Variants in HS6ST2 observed in about 807,000 individuals in gnomAD.
HS6ST2 encodes heparan sulfate 6-O-sulfotransferase 2.
Under a neutral mutation model 33.0 loss-of-function variants are expected in HS6ST2, and 17 were observed. The ratio of observed to expected loss-of-function variants is 0.52; its 90% CI spans 0.35 to 0.77. The LOEUF (loss-of-function observed/expected upper bound fraction) is 0.77. HS6ST2 is among the 30% of genes least tolerant of loss of function. The pLI is 0.01. For missense variants in HS6ST2, 519 were observed against 551.7 expected, an observed-to-expected ratio of 0.94 and a Z score of 0.59; for synonymous variants, 248 against 237.1, an observed-to-expected ratio of 1.05 and a Z score of -0.42.
intron 2 of HS6ST2, among the ~76,000 whole-genome samples, chrX:132,947,567 G>C (rs2066970261): frequency 9.0e-6 from 1 of 111,633 alleles, no homozygotes; most frequent in Non-Finnish European, 1.9e-5. Context: ...TGTTTTGTCT[G>C]ATATCAACAT....
In HS6ST2 at chrX:132,909,368, C is replaced by T. The variant is rs139548082; in HGVS notation, c.947+47440G>A. On this transcript the variant is annotated intron_variant, in intron 2 of 4. Coordinates refer to ENST00000370833, the MANE Select transcript of HS6ST2 (RefSeq NM_001394073.1). ...AGGTTTTTCAACTGTCAGCTCCACA[C>T]GGATTCAATTTACCTCATGGCCCGG... 2.2e-3 allele frequency among the ~76,000 whole-genome samples: 243 copies of T among 111,933 alleles called. No homozygotes were observed. The South Asian group carries it at 0.028, about 13-fold the overall frequency.
intron 2 of HS6ST2, among the ~76,000 whole-genome samples, chrX:132,781,625 A>G (rs2065017253): frequency 1.8e-5 from 2 of 111,347 alleles, no homozygotes; most frequent in Admixed American, 9.5e-5. Context: ...GGTTTAACTG[A>G]CTCACAGTTC....
chrX:132,684,824 G>A (rs2064003583), intron 3 of HS6ST2, among the ~76,000 whole-genome samples: 1 of 111,487 alleles, frequency 9.0e-6, no homozygotes, highest in Admixed American at 9.5e-5. Context: ...GGACTCATGG[G>A]GTGTTGCTCT....
chrX:132,743,163 A>G (rs948798717), intron 2 of HS6ST2, among the ~76,000 whole-genome samples: 5 of 112,786 alleles, frequency 4.4e-5, no homozygotes, highest in African/African-American at 9.7e-5. Context: ...CCAAAACCCA[A>G]GAGATATTTG....
Position 132,956,958 on chromosome X carries a change from G to A in HS6ST2, c.797C>T (p.Thr266Ile). 8.3e-7 allele frequency: 1 copy of A among 1,209,954 alleles called. No individual in the cohort carries two copies. Among genetic ancestry groups the A allele is most frequent in the South Asian group, 1.8e-5 (1 of 56,488 alleles). ...TTCCCGCTTACCCGGCCGGTGGCAA[G>A]TGCATTTCTTCTGACCCACGCGGCA... is the stretch of plus-strand genomic sequence containing the variant. ...CECRVGQKKC[T>I]CHRPGKRETW... The change falls in exon 2 of 5, where the codon ACT (threonine) becomes ATT (isoleucine). Residue 266 changes from threonine (T) to isoleucine (I), a missense_variant. By Grantham distance (89) the Thr-to-Ile change is moderately conservative. Coordinates refer to ENST00000370833, the MANE Select transcript of HS6ST2 (RefSeq NM_001394073.1).
chrX:132,702,093 G>T (rs981409589), intron 3 of HS6ST2, among the ~76,000 whole-genome samples: 17 of 112,093 alleles, frequency 1.5e-4, no homozygotes, highest in Non-Finnish European at 3.2e-4. Context: ...TGATACACTG[G>T]AAAATGTTCC....
intron 2 of HS6ST2, among the ~76,000 whole-genome samples, chrX:132,872,100 T>G (rs1319438286): frequency 9.0e-6 from 1 of 111,112 alleles, no homozygotes; most frequent in Non-Finnish European, 1.9e-5. Context: ...ATGAGCACAT[T>G]CCAGTATTAT....
At chrX:132,808,218 A>T (rs1370757761) in intron 2 of HS6ST2, among the ~76,000 whole-genome samples, 1 of 110,226 alleles carries the variant, frequency 9.1e-6, no homozygotes, top group African/African-American at 3.3e-5. Flanking sequence ...ACCCCCAACT[A>T]CTCCCCAAAA....
chrX:132,949,008 G>A (rs991624088), intron 2 of HS6ST2, among the ~76,000 whole-genome samples: 5 of 111,739 alleles, frequency 4.5e-5, no homozygotes, highest in Admixed American at 2.9e-4. Context: ...TATTGGAATA[G>A]TTGGACAATG....
chrX:132,648,102 A>G (rs2063660782), intron 4 of HS6ST2, among the ~76,000 whole-genome samples: 2 of 112,368 alleles, frequency 1.8e-5, no homozygotes, highest in South Asian at 7.4e-4. Flanking sequence ...AGCACTGGCA[A>G]TAATTGTTTG....
upstream of HS6ST2, among the ~76,000 whole-genome samples, chrX:132,960,286 A>C (rs1208515043): frequency 9.1e-6 from 1 of 110,468 alleles, no homozygotes; most frequent in Non-Finnish European, 1.9e-5. Context: ...TCTGCTTGCC[A>C]GCTGCCCCTG....
At chrX:132,956,761 C>G (rs764040166) in intron 2 of HS6ST2, 47 bp downstream of exon 2, 1 of 1,120,699 alleles carries the variant, frequency 8.9e-7, no homozygotes, top group African/African-American at 1.8e-5. Context: ...TCCCAGCCCT[C>G]CGCCCGCCTA....
chrX:132,844,957 G>T lies in HS6ST2; in HGVS notation c.947+111851C>A, dbSNP rs763837455. Among the ~76,000 whole-genome samples, 7 of 109,076 alleles carry T rather than the reference G, an allele frequency of 6.4e-5. No individual in the cohort carries two copies. In the East Asian group the frequency reaches 2.0e-3, roughly 32 times the overall value. The allele number at this position is 109,076 out of a possible 115,157, so 94.7% of individuals were successfully genotyped here. On this transcript the variant is annotated intron_variant, in intron 2 of 4. Coordinates refer to ENST00000370833, the MANE Select transcript of HS6ST2 (RefSeq NM_001394073.1). ...CTTTATTCATCACTGGAAAACTGGA[G>T]TTTTCCAGTGTTGGTATCCTAAATG... is the stretch of plus-strand genomic sequence containing the variant.
intron 2 of HS6ST2, among the ~76,000 whole-genome samples, chrX:132,865,337 A>T (rs1399643092): frequency 1.8e-5 from 2 of 110,774 alleles, no homozygotes; most frequent in Non-Finnish European, 3.8e-5. Context: ...ATAGTATTCC[A>T]TGGTGTATAT....
chrX:132,772,459 T>C (rs1012310876), intron 2 of HS6ST2, among the ~76,000 whole-genome samples: 1 of 108,856 alleles, frequency 9.2e-6, no homozygotes, highest in African/African-American at 3.3e-5. Flanking sequence ...CAAGGCCATT[T>C]CTGAGGCAAA....
At chrX:132,773,942 T>C (rs2064931743) in intron 2 of HS6ST2, among the ~76,000 whole-genome samples, 1 of 111,989 alleles carries the variant, frequency 8.9e-6, no homozygotes, top group South Asian at 3.8e-4. Flanking sequence ...ACCACCCAAC[T>C]GTATGCCTTA....
chrX:132,840,377 G>A (rs2065697283), intron 2 of HS6ST2, among the ~76,000 whole-genome samples: 1 of 109,993 alleles, frequency 9.1e-6, no homozygotes. Context: ...GGCAAGCGTT[G>A]GGTTTCCCTC....
intron 2 of HS6ST2, among the ~76,000 whole-genome samples, chrX:132,952,085 T>G (rs1217165088): frequency 8.9e-6 from 1 of 111,916 alleles, no homozygotes; most frequent in Non-Finnish European, 1.9e-5. Flanking sequence ...CTGATATCCA[T>G]GAAAGACAAG....
rs759488018 is a variant in HS6ST2 at position 132,923,263 on chromosome X, T to A, written c.947+33545A>T. ...AATGCTTCTTATCAGACTTAAGGTC[T>A]GTGTTGATGTTAATGCCAGAGAGGT... On this transcript the variant is annotated intron_variant, in intron 2 of 4. Transcript: ENST00000370833. 3.6e-5 allele frequency among the ~76,000 whole-genome samples: 4 copies of A among 111,057 alleles called. No individual in the cohort carries two copies. In the East Asian group the frequency reaches 1.1e-3, roughly 32 times the overall value.
Sources: allele counts gnomAD v4.1 joint callset (sites outside exome capture counted in the v4.1 genomes callset), GRCh38; gene constraint gnomAD v4.1.1; transcripts MANE v1.5; gene names NCBI Gene and HGNC (gene_info 2026-07-23, HGNC 2026-07-21).